The following TRHR variants were observed in gnomAD, a reference collection of about 807,000 sequenced individuals.
TRHR encodes thyrotropin-releasing hormone receptor.
TRHR carries 14 observed loss-of-function variants against 28.0 expected under a neutral mutation model. That is an observed-to-expected ratio of 0.50 (90% CI 0.33 to 0.78). The LOEUF is 0.78. Ranked by LOEUF, TRHR falls within the 30% of genes least tolerant of loss-of-function variation. The probability of loss-of-function intolerance (pLI) is 0.02; values close to 1 mark genes in which losing one functional copy is unlikely to be tolerated. For synonymous variants in TRHR, 176 were observed against 171.9 expected, an observed-to-expected ratio of 1.02 and a Z score of -0.18; for missense variants, 438 against 469.5, an observed-to-expected ratio of 0.93 and a Z score of 0.62.
chr8:109,101,791 G>T (rs1811680517), intron 2 of TRHR, among the ~76,000 whole-genome samples: 1 of 152,056 alleles, frequency 6.6e-6, no homozygotes, highest in Non-Finnish European at 1.5e-5. Flanking sequence ...ATATAGCTTT[G>T]GGATTAATTA....
intron 2 of TRHR, among the ~76,000 whole-genome samples, chr8:109,106,739 T>C (rs905544252): frequency 1.3e-5 from 2 of 152,146 alleles, no homozygotes; most frequent in Admixed American, 6.6e-5. Flanking sequence ...AAATGTAAAA[T>C]GGCAACATGG....
intron 2 of TRHR, among the ~76,000 whole-genome samples, chr8:109,113,913 G>A (rs895877870): frequency 4.6e-5 from 7 of 151,962 alleles, no homozygotes; most frequent in South Asian, 2.1e-4. Context: ...GCACATATAC[G>A]CAGGGTTGAA....
In TRHR at chr8:109,087,825, C is replaced by A. The variant is rs1811460739; in HGVS notation, c.313C>A (p.Gln105Lys). ...TGGATGCCTCTGCATTACTTACCTC[C>A]AGTATTTGGGAATTAATGCATCCTC... is the stretch of plus-strand genomic sequence containing the variant. ...YVGCLCITYL[Q>K]YLGINASSCS... Residue 105 changes from glutamine to lysine, a missense_variant, in exon 2 of 3, where the codon CAG becomes AAG. Transcript: ENST00000518632. 6.2e-7 allele frequency: 1 copy of A among 1,614,062 alleles called. No homozygotes were observed. The highest frequency in any genetic ancestry group is 1.3e-5 in the African/African-American group (1 of 74,926).
chr8:109,099,256 G>A (rs1235886458), intron 2 of TRHR, among the ~76,000 whole-genome samples: 1 of 152,166 alleles, frequency 6.6e-6, no homozygotes, highest in Non-Finnish European at 1.5e-5. Flanking sequence ...TAATGGAAAG[G>A]TGTGGTGGCG....
At chr8:109,105,711 C>T (rs775172798) in intron 2 of TRHR, among the ~76,000 whole-genome samples, 9 of 152,156 alleles carry the variant, frequency 5.9e-5, no homozygotes, top group Admixed American at 2.0e-4. Context: ...AATAAACAGC[C>T]CATTTTCAGA....
chr8:109,106,553 T>C (rs1488521220), intron 2 of TRHR, among the ~76,000 whole-genome samples: 1 of 152,196 alleles, frequency 6.6e-6, no homozygotes, highest in Admixed American at 6.6e-5. Flanking sequence ...TTTTCTTCAC[T>C]GTAATTGCAT....
chr8:109,088,037 T>C lies in TRHR; in HGVS notation c.525T>C (p.Ile175=), dbSNP rs1231125179. 5 of 1,614,194 alleles carry C rather than the reference T, an allele frequency of 3.1e-6. No individual in the cohort carries two copies. The Admixed American group carries it at 8.3e-5, about 27-fold the overall frequency. Residue 175 remains isoleucine, a synonymous_variant, in exon 2 of 3, where the codon ATT becomes ATC. Transcript: ENST00000518632. The part of the protein sequence containing the change: ...DLNISTYKDA[I]VISCGYKISR... ...ATATTAGCACCTACAAAGATGCTAT[T>C]GTGATATCCTGTGGCTACAAGATCT...
At chr8:109,116,014 G>A (rs1431553982) in intron 2 of TRHR, among the ~76,000 whole-genome samples, 1 of 152,126 alleles carries the variant, frequency 6.6e-6, no homozygotes, top group East Asian at 1.9e-4. Flanking sequence ...AGCATGAAGG[G>A]CTGTTGAATT....
chr8:109,116,075 G>T (rs186005751), intron 2 of TRHR, among the ~76,000 whole-genome samples: 8 of 152,110 alleles, frequency 5.3e-5, no homozygotes, highest in South Asian at 4.1e-4. Context: ...GGTTTTTGTC[G>T]TTGGTTCTGT....
intron 2 of TRHR, among the ~76,000 whole-genome samples, chr8:109,091,620 G>A (rs908261731): frequency 6.6e-6 from 1 of 152,154 alleles, no homozygotes; most frequent in Non-Finnish European, 1.5e-5. Context: ...GGAAGTAAAA[G>A]AGCATTTACA....
chr8:109,103,750 T>C (rs1811711012), intron 2 of TRHR, among the ~76,000 whole-genome samples: 1 of 152,078 alleles, frequency 6.6e-6, no homozygotes, highest in Non-Finnish European at 1.5e-5. Flanking sequence ...TGAATAACAG[T>C]TTCTGTTGCT....
At chr8:109,101,811 T>G (rs1055117239) in intron 2 of TRHR, among the ~76,000 whole-genome samples, 1 of 152,124 alleles carries the variant, frequency 6.6e-6, no homozygotes, top group Admixed American at 6.6e-5. Context: ...AGTATAGAGA[T>G]GGTTTGTTGA....
chr8:109,096,178 C>T (rs1586186978), intron 2 of TRHR, among the ~76,000 whole-genome samples: 1 of 152,212 alleles, frequency 6.6e-6, no homozygotes, highest in Non-Finnish European at 1.5e-5. Flanking sequence ...ACATATTACG[C>T]TCCAGCAATT....
chr8:109,107,357 C>T (rs559719330), intron 2 of TRHR, among the ~76,000 whole-genome samples: 2 of 152,236 alleles, frequency 1.3e-5, no homozygotes, highest in Admixed American at 6.5e-5. Context: ...ATTTATTCTT[C>T]GTACCTCTTT....
At chr8:109,111,857 G>C (rs556021213) in intron 2 of TRHR, among the ~76,000 whole-genome samples, 58 of 152,262 alleles carry the variant, frequency 3.8e-4, no homozygotes, top group African/African-American at 1.4e-3. Context: ...AATTGATAAA[G>C]AGTCTATTCA....
intron 2 of TRHR, among the ~76,000 whole-genome samples, chr8:109,095,005 T>C (rs1205956869): frequency 6.9e-6 from 1 of 144,228 alleles, no homozygotes; most frequent in Non-Finnish European, 1.5e-5. Context: ...CTCCTTTAGG[T>C]TTTTTTTTTT....
At chr8:109,108,439 T>G (rs1322483740) in intron 2 of TRHR, among the ~76,000 whole-genome samples, 3 of 152,114 alleles carry the variant, frequency 2.0e-5, no homozygotes, top group African/African-American at 7.2e-5. Context: ...ATATCTCCCC[T>G]GGGAAAGATC....
intron 2 of TRHR, among the ~76,000 whole-genome samples, chr8:109,110,518 A>C (rs1811814764): frequency 1.3e-5 from 2 of 152,004 alleles, no homozygotes; most frequent in Admixed American, 1.3e-4. Flanking sequence ...GAGCATTTTT[A>C]ATCAGAATAG....
At chr8:109,088,400 A>G in intron 2 of TRHR, 99 bp downstream of exon 2, 2 of 1,217,230 alleles carry the variant, frequency 1.6e-6, no homozygotes, top group Non-Finnish European at 2.4e-6. Context: ...TGGCGAAACC[A>G]AAATACAATC....
Sources: gnomAD v4.1 joint callset for allele counts (sites outside exome capture counted in the v4.1 genomes callset) on GRCh38, gnomAD v4.1.1 for gene constraint, MANE v1.5 for transcripts, NCBI Gene and HGNC (gene_info 2026-07-23, HGNC 2026-07-21) for gene names.